EHMT1: variants seen among roughly 807,000 people sequenced by gnomAD.
The protein encoded by EHMT1 is histone-lysine N-methyltransferase EHMT1.
Under a neutral mutation model 147.2 loss-of-function variants are expected in EHMT1, and 15 were observed. The observed-to-expected ratio is 0.10, with a 90% CI of 0.07 to 0.16. The LOEUF is 0.16. Among genes scored for constraint, EHMT1 ranks in the 10% least tolerant of loss-of-function variants. EHMT1 has a pLI of 1.00. For synonymous variants in EHMT1, 795 were observed against 709.6 expected (o/e 1.12, Z -1.91); for missense variants, 1,587 against 1,772.4 (o/e 0.90, Z 1.88).
Position 137,747,100 on chromosome 9 carries a change from C to T in EHMT1, c.1170+3010C>T, listed in dbSNP as rs1564682338. On this transcript the variant is annotated intron_variant, in intron 6 of 26. Transcript: ENST00000460843. ...AGAAGGATAGGAAAAGTACGCTAGC[C>T]CATTCTGAGACTAAAATATAGGCTG... 3 of 152,240 alleles carry T rather than the reference C, an allele frequency of 2.0e-5. No individual in the cohort carries two copies. In the South Asian group the frequency reaches 6.2e-4, roughly 32 times the overall value. 9.4% of individuals were successfully genotyped at this position (152,240 alleles called of 1,614,324 possible). A position where few individuals can be genotyped will look rare whatever the true frequency, so the allele number is the denominator to read the frequency against.
intron 10 of EHMT1, chr9:137,764,327 G>T (rs376705762): frequency 5.3e-5 from 8 of 152,316 alleles, no homozygotes; most frequent in African/African-American, 1.9e-4. Context: ...GGCTCCCTAT[G>T]TGACGGCTTT....
rs762125127 is a variant in EHMT1 at position 137,834,815 on chromosome 9, C to G, written c.3759C>G (p.Leu1253=). The G allele has an allele frequency of 5.6e-6, 9 of 1,612,660 alleles. No homozygotes were observed. Among genetic ancestry groups the G allele is most frequent in the Non-Finnish European group, 6.8e-6 (8 of 1,179,690 alleles). The change falls in exon 27 of 27, where the codon CTC becomes CTG. Residue 1253 remains leucine (L), a synonymous_variant. Coordinates refer to ENST00000460843, the MANE Select transcript of EHMT1 (RefSeq NM_024757.5). ...GCTTCTGGGACATCAAAGGCAAGCT[C>G]TTCAGCTGCCGCTGCGGCTCCCCCA... ...GERFWDIKGK[L]FSCRCGSPKC...
At chr9:137,653,717 G>A (rs1034095222) in intron 1 of EHMT1, among the ~76,000 whole-genome samples, 2 of 152,054 alleles carry the variant, frequency 1.3e-5, no homozygotes, top group Admixed American at 1.3e-4. Flanking sequence ...TAGTAGAGAT[G>A]GGGTTACTCC....
rs1942796899 is a variant in EHMT1 at position 137,690,000 on chromosome 9, GC to G, written c.22-20965del. On this transcript the variant is annotated intron_variant, in intron 1 of 26. Coordinates refer to ENST00000460843, the MANE Select transcript of EHMT1 (RefSeq NM_024757.5). ...ACGCATAGGCTCTCAGAAAGAACTT[GC>G]CTCTTATTCCGAGCAAGATGGGAAG... Among the ~76,000 whole-genome samples, 3 of 152,328 alleles carry G rather than the reference GC, an allele frequency of 2.0e-5. No homozygotes were observed. In the East Asian group the frequency reaches 5.8e-4, roughly 29 times the overall value.
rs115745868 is a variant in EHMT1, at chr9:137,822,167, C to T, written c.3540+4029C>T. On this transcript the variant is annotated intron_variant, in intron 25 of 26. Transcript: ENST00000460843. Reference sequence around the variant, plus strand: ...TTTTCTATAAACGGAATCCTGTGTCCGGCTTTGCATGTTTTGTGATTTGCC... The same window carrying T: ...TTTTCTATAAACGGAATCCTGTGTCTGGCTTTGCATGTTTTGTGATTTGCC... Among the ~76,000 whole-genome samples the T allele has an allele frequency of 9.5e-3, 1,449 of 152,244 alleles. 32 individuals are homozygous for T. Among genetic ancestry groups the T allele is most frequent in the African/African-American group, 0.032 (1,339 of 41,538 alleles).
intron 1 of EHMT1, chr9:137,638,027 A>G (rs1163368134): frequency 6.6e-6 from 1 of 151,512 alleles, no homozygotes; most frequent in East Asian, 1.9e-4. Context: ...ACGCTAATAA[A>G]TTTTGGTAAG....
chr9:137,754,704 A>G (rs1470947012), intron 8 of EHMT1, among the ~76,000 whole-genome samples: 1 of 151,768 alleles, frequency 6.6e-6, no homozygotes, highest in Non-Finnish European at 1.5e-5. Context: ...TTTGGTAGAG[A>G]TGGGGTTTTG....
chr9:137,627,535 G>A (rs1843342687), intron 1 of EHMT1, among the ~76,000 whole-genome samples: 1 of 151,986 alleles, frequency 6.6e-6, no homozygotes, highest in South Asian at 2.1e-4. Context: ...AAAATGCTGG[G>A]ATGACAGGCG....
rs1956458674 is a variant in EHMT1 at position 137,834,470 on chromosome 9, T to C, written c.3662T>C (p.Phe1221Ser). The stretch of plus-strand genomic sequence containing the variant: ...TTCATGGCCCACCAGGACCTGCGGT[T>C]CCCCCGGATCGCCTTCTTCAGCACC... Reference protein sequence around the residue: ...RVFMAHQDLRFPRIAFFSTRL... With the variant: ...RVFMAHQDLRSPRIAFFSTRL... Residue 1221 changes from phenylalanine (F) to serine (S), a missense_variant, in exon 26 of 27, where the codon TTC becomes TCC. By Grantham distance (155) the Phe-to-Ser change is radical. Transcript: ENST00000460843. 6.2e-7 allele frequency: 1 copy of C among 1,612,732 alleles called. No individual in the cohort carries two copies. Among genetic ancestry groups the C allele is most frequent in the Non-Finnish European group, 8.5e-7 (1 of 1,179,768 alleles).
intron 2 of EHMT1, among the ~76,000 whole-genome samples, chr9:137,715,967 A>G (rs1264980365): frequency 6.6e-6 from 1 of 151,882 alleles, no homozygotes; most frequent in Non-Finnish European, 1.5e-5. Context: ...ATGAAACAAA[A>G]TAATTTTCTG....
At chr9:137,831,077 G>T (rs931079649) in intron 25 of EHMT1, among the ~76,000 whole-genome samples, 8 of 152,148 alleles carry the variant, frequency 5.3e-5, no homozygotes, top group African/African-American at 1.7e-4. Flanking sequence ...AGGGGGTGCA[G>T]CAGTTCTCTG....
At chr9:137,806,922 C>T (rs1953995629) in intron 18 of EHMT1, among the ~76,000 whole-genome samples, 1 of 152,160 alleles carries the variant, frequency 6.6e-6, no homozygotes, top group South Asian at 2.1e-4. Context: ...TATAATGTGT[C>T]TTTTTTATAT....
chr9:137,752,533 G>A, intron 7 of EHMT1, 125 bp downstream of exon 7: 1 of 1,158,584 alleles, frequency 8.6e-7, no homozygotes. Flanking sequence ...CTTGGAGCTG[G>A]TCATGGTGAT....
chr9:137,762,261 AT>A (rs11405067), intron 9 of EHMT1, among the ~76,000 whole-genome samples: 7,857 of 147,174 alleles, frequency 0.053, 665 homozygotes, highest in African/African-American at 0.18. Context: ...TTCCAAACTG[AT>A]TTTTTTTTTT....
intron 12 of EHMT1, chr9:137,777,100 G>C: frequency 2.1e-6 from 1 of 466,854 alleles, no homozygotes; most frequent in South Asian, 2.1e-5. Context: ...CATTGATGTA[G>C]CTCTGTGGTG....
In EHMT1 at chr9:137,732,585, A is replaced by G. The variant is rs1947203897; in HGVS notation, c.823+4056A>G. Among the ~76,000 whole-genome samples, 1 of 152,150 alleles carries G rather than the reference A, an allele frequency of 6.6e-6. No homozygotes were observed. On this transcript the variant is annotated intron_variant, in intron 4 of 26. Coordinates refer to ENST00000460843, the MANE Select transcript of EHMT1 (RefSeq NM_024757.5). This position sits in a 1 kb window ranked among gnomAD's most constrained non-coding sequence, Gnocchi z 4.6. Reference sequence around the variant, plus strand: ...GCATGAAGTGCATGCTGATTGGTCCATGGGTAGGTCTGGAAAAAACACCAT... The same window carrying G: ...GCATGAAGTGCATGCTGATTGGTCCGTGGGTAGGTCTGGAAAAAACACCAT...
chr9:137,649,132 C>T (rs1845119494), intron 1 of EHMT1, among the ~76,000 whole-genome samples: 2 of 152,118 alleles, frequency 1.3e-5, no homozygotes, highest in African/African-American at 4.8e-5. Context: ...AATTCAGATC[C>T]ACCCGTGACT....
intron 17 of EHMT1, 75 bp downstream of exon 17, chr9:137,798,989 TC>T: frequency 1.6e-6 from 2 of 1,247,258 alleles, no homozygotes; most frequent in Non-Finnish European, 2.3e-6. Context: ...CAGCTCCTGG[TC>T]CCACCCCCAT....
chr9:137,809,418 C>T (rs1954224262), intron 18 of EHMT1, among the ~76,000 whole-genome samples: 1 of 152,204 alleles, frequency 6.6e-6, no homozygotes, highest in South Asian at 2.1e-4. Context: ...GGCGGCCCTG[C>T]GCCCTCGGAG....
Sources: gnomAD v4.1 joint callset for allele counts (sites outside exome capture counted in the v4.1 genomes callset) on GRCh38, gnomAD v4.1.1 for gene constraint, Gnocchi (gnomAD v3.1) non-coding constraint, MANE v1.5 for transcripts, NCBI Gene and HGNC (gene_info 2026-07-23, HGNC 2026-07-21) for gene names.